PDZRN4: variants seen among roughly 807,000 people sequenced by gnomAD.
PDZRN4 encodes the protein PDZ domain-containing RING finger protein 4.
In PDZRN4, 70 loss-of-function variants were observed where a neutral mutation model predicts 99.0. The observed-to-expected ratio is 0.71, with a 90% CI of 0.58 to 0.86. The LOEUF (loss-of-function observed/expected upper bound fraction) is 0.86, where lower values mean the gene tolerates loss of function less well. Among genes scored for constraint, PDZRN4 ranks in the 40% least tolerant of loss-of-function variants. The pLI is 0.00. For missense variants in PDZRN4, 1,474 were observed against 1,331.2 expected, an observed-to-expected ratio of 1.11 and a Z score of -1.67; for synonymous variants, 551 against 501.6, an observed-to-expected ratio of 1.10 and a Z score of -1.32.
At chr12:41,260,444 TA>T (rs1365578041) in intron 3 of PDZRN4, among the ~76,000 whole-genome samples, 2 of 152,090 alleles carry the variant, frequency 1.3e-5, no homozygotes, top group East Asian at 3.9e-4. Flanking sequence ...GAAACTAAAA[TA>T]AACTAAGGGC....
chr12:41,228,757 A>G (rs545828735), intron 3 of PDZRN4, among the ~76,000 whole-genome samples: 1 of 152,230 alleles, frequency 6.6e-6, no homozygotes, highest in East Asian at 1.9e-4. Context: ...AAGTAGCTCA[A>G]GGAAACAATG....
At chr12:41,427,991 G>A (rs1952551809) in intron 3 of PDZRN4, among the ~76,000 whole-genome samples, 1 of 152,130 alleles carries the variant, frequency 6.6e-6, no homozygotes, top group Non-Finnish European at 1.5e-5. Flanking sequence ...AGGAGGCTGA[G>A]GCAGGAGAAT....
In PDZRN4 at chr12:41,573,021, A is replaced by G; in HGVS notation, c.2242A>G (p.Thr748Ala). The G allele has an allele frequency of 6.2e-7, 1 of 1,614,090 alleles. No homozygotes were observed. The change falls in exon 10 of 10, where the codon ACT (threonine) becomes GCT (alanine). Residue 748 changes from threonine to alanine, a missense_variant. Physicochemically the swap from Thr to Ala is moderately conservative, Grantham distance 58. Transcript: ENST00000402685. ...AYNTAESCRSTPLTVDRSPDS... is the reference protein window; with the variant it reads ...AYNTAESCRSAPLTVDRSPDS... ...CAACACAGCTGAGAGCTGCAGAAGT[A>G]CTCCGCTCACTGTAGACCGTTCCCC...
At chr12:41,469,219 C>A (rs992507719) in intron 3 of PDZRN4, among the ~76,000 whole-genome samples, 2 of 151,916 alleles carry the variant, frequency 1.3e-5, no homozygotes, top group African/African-American at 2.4e-5. Flanking sequence ...CTTGAATAGC[C>A]GGCTGAAGAT....
At chr12:41,396,535 A>C (rs1320030868) in intron 3 of PDZRN4, among the ~76,000 whole-genome samples, 1 of 152,166 alleles carries the variant, frequency 6.6e-6, no homozygotes, top group African/African-American at 2.4e-5. Context: ...TTATTAGCTC[A>C]CAATTTATGT....
chr12:41,554,745 T>C (rs1194136956), intron 6 of PDZRN4, among the ~76,000 whole-genome samples: 1 of 152,124 alleles, frequency 6.6e-6, no homozygotes, highest in Non-Finnish European at 1.5e-5. Flanking sequence ...AAATAGTTTA[T>C]AGTTAATATA....
At chr12:41,232,144 A>G (rs1369067486) in intron 3 of PDZRN4, among the ~76,000 whole-genome samples, 1 of 152,088 alleles carries the variant, frequency 6.6e-6, no homozygotes, top group African/African-American at 2.4e-5. Flanking sequence ...CACTGAGATT[A>G]TAAATCAATT....
At chr12:41,441,511 T>C (rs1255500293) in intron 3 of PDZRN4, among the ~76,000 whole-genome samples, 3 of 152,172 alleles carry the variant, frequency 2.0e-5, no homozygotes, top group African/African-American at 7.2e-5. Flanking sequence ...AGTTAGAATA[T>C]TCAGACACTG....
At chr12:41,563,413 T>C in intron 7 of PDZRN4, 135 bp from the exon 8 acceptor site, 1 of 650,104 alleles carries the variant, frequency 1.5e-6, no homozygotes. Flanking sequence ...CACTTTGAGC[T>C]GAGGGGCTGA....
chr12:41,373,299 C>T (rs975504216), intron 3 of PDZRN4, among the ~76,000 whole-genome samples: 5 of 152,050 alleles, frequency 3.3e-5, no homozygotes, highest in Non-Finnish European at 4.4e-5. Context: ...GACAGCCAGC[C>T]GGTCTGACCA....
At chr12:41,456,045 C>A (rs1952814363) in intron 3 of PDZRN4, among the ~76,000 whole-genome samples, 1 of 152,186 alleles carries the variant, frequency 6.6e-6, no homozygotes, top group Admixed American at 6.5e-5. Context: ...TACCACCAAC[C>A]TTCTGGATTT....
intron 3 of PDZRN4, among the ~76,000 whole-genome samples, chr12:41,354,631 C>G (rs1007245819): frequency 1.3e-5 from 2 of 152,032 alleles, no homozygotes; most frequent in South Asian, 4.1e-4. Context: ...AATTTCACAT[C>G]CCTGTTTTAA....
chr12:41,247,565 C>G (rs1425503823), intron 3 of PDZRN4, among the ~76,000 whole-genome samples: 1 of 152,082 alleles, frequency 6.6e-6, no homozygotes, highest in Non-Finnish European at 1.5e-5. Flanking sequence ...CCTTTTGACT[C>G]CAATTCCTGG....
intron 3 of PDZRN4, among the ~76,000 whole-genome samples, chr12:41,386,925 C>A (rs1163883618): frequency 6.6e-6 from 1 of 152,142 alleles, no homozygotes; most frequent in African/African-American, 2.4e-5. Context: ...TAGCCATATG[C>A]AGAAGATTGA....
intron 3 of PDZRN4, among the ~76,000 whole-genome samples, chr12:41,200,966 T>G (rs754942934): frequency 6.6e-6 from 1 of 152,094 alleles, no homozygotes; most frequent in East Asian, 1.9e-4. Context: ...GCCTGCACAG[T>G]AGCTTCTTGA....
intron 3 of PDZRN4, among the ~76,000 whole-genome samples, chr12:41,300,366 G>C (rs990362145): frequency 2.0e-5 from 3 of 151,818 alleles, no homozygotes; most frequent in African/African-American, 7.2e-5. Flanking sequence ...CAGTTTTCCT[G>C]AATCACAGTT....
chr12:41,305,759 C>A (rs2120939005), intron 3 of PDZRN4, among the ~76,000 whole-genome samples: 1 of 152,270 alleles, frequency 6.6e-6, no homozygotes, highest in Admixed American at 6.5e-5. Flanking sequence ...GCATTCTTTC[C>A]CTGGCCCCAC....
chr12:41,439,076 T>C (rs771980460), intron 3 of PDZRN4, among the ~76,000 whole-genome samples: 74 of 152,162 alleles, frequency 4.9e-4, no homozygotes, highest in Non-Finnish European at 9.7e-4. Context: ...TGAAACAGCC[T>C]CCTCAGTTGC....
chr12:41,355,290 C>T (rs1240493398), intron 3 of PDZRN4, among the ~76,000 whole-genome samples: 1 of 151,984 alleles, frequency 6.6e-6, no homozygotes, highest in African/African-American at 2.4e-5. Context: ...GTTCATATTC[C>T]AATACGAGTG....
Sources: allele counts gnomAD v4.1 joint callset (sites outside exome capture counted in the v4.1 genomes callset), GRCh38; gene constraint gnomAD v4.1.1; transcripts MANE v1.5; gene names NCBI Gene and HGNC (gene_info 2026-07-23, HGNC 2026-07-21).